Variants in GLI2 observed in about 807,000 individuals in gnomAD.
GLI2 encodes the protein transcription activator GLI2.
GLI2 carries 22 observed loss-of-function variants against 78.9 expected under a neutral mutation model. That is an observed-to-expected ratio of 0.28 (90% CI 0.20 to 0.40). The LOEUF is 0.40. GLI2 is among the 10% of genes least tolerant of loss of function. The pLI is 1.00. For missense variants in GLI2, 2,097 were observed against 2,213.2 expected (o/e 0.95, Z 1.05); for synonymous variants, 974 against 963.7 (o/e 1.01, Z -0.20).
At chr2:120,935,020 TTTC>T (rs1296580226) in intron 3 of GLI2, among the ~76,000 whole-genome samples, 1 of 152,212 alleles carries the variant, frequency 6.6e-6, no homozygotes, top group Admixed American at 6.5e-5. Flanking sequence ...AGAAAGATAT[TTTC>T]TTCTTGATTC....
Position 120,843,946 on chromosome 2 carries a change from C to T in GLI2, c.148+46478C>T, listed in dbSNP as rs141802358. ...CCTCCCAAAGTGCTGGGATTACAGG[C>T]GTGAGACACCGTGCCTGTCCAGGAG... On this transcript the variant is annotated intron_variant, in intron 2 of 13. Transcript: ENST00000361492. 5.6e-3 allele frequency among the ~76,000 whole-genome samples: 860 copies of T among 152,244 alleles called. 6 individuals are homozygous for T. The highest frequency in any genetic ancestry group is 0.02 in the African/African-American group (815 of 41,544).
chr2:120,844,470 T>C (rs1461139761), intron 2 of GLI2, among the ~76,000 whole-genome samples: 3 of 152,212 alleles, frequency 2.0e-5, no homozygotes. Context: ...TCTCCGTCCC[T>C]TCCTGTCACT....
chr2:120,787,036 G>A (rs779233281), intron 1 of GLI2, among the ~76,000 whole-genome samples: 5 of 152,178 alleles, frequency 3.3e-5, no homozygotes, highest in Non-Finnish European at 5.9e-5. Context: ...AAAGGGACAC[G>A]GACACGTAAA....
chr2:120,897,218 T>C (rs917055162), intron 2 of GLI2, among the ~76,000 whole-genome samples: 1 of 152,228 alleles, frequency 6.6e-6, no homozygotes, highest in Non-Finnish European at 1.5e-5. Flanking sequence ...AAACTCCCCG[T>C]GTTGACTTCC....
At chr2:120,760,330 A>C (rs1027390816) in intron 1 of GLI2, among the ~76,000 whole-genome samples, 1 of 152,146 alleles carries the variant, frequency 6.6e-6, no homozygotes, top group African/African-American at 2.4e-5. Context: ...GGGGGGTCCA[A>C]GGAGGTCTGG....
intron 1 of GLI2, among the ~76,000 whole-genome samples, chr2:120,777,103 A>T (rs1177163638): frequency 1.3e-5 from 2 of 152,026 alleles, no homozygotes; most frequent in Non-Finnish European, 2.9e-5. Flanking sequence ...TGATTGCGTG[A>T]GTGTGTGTAT....
chr2:120,834,804 G>A lies in GLI2; in HGVS notation c.148+37336G>A, dbSNP rs1025834451. The stretch of plus-strand genomic sequence containing the variant: ...CCAAGTCATCACTAACTTTCTGTGG[G>A]GGGTTATGCACAAGGCATGATCCTG... On this transcript the variant is annotated intron_variant, in intron 2 of 13. Transcript: ENST00000361492. Among the ~76,000 whole-genome samples the A allele has an allele frequency of 1.3e-4, 20 of 152,068 alleles. 1 individual carries two copies. The highest frequency in any genetic ancestry group is 1.5e-5 in the Non-Finnish European group (1 of 68,028).
chr2:120,791,220 C>T (rs1477824199), intron 1 of GLI2, among the ~76,000 whole-genome samples: 1 of 152,188 alleles, frequency 6.6e-6, no homozygotes, highest in Non-Finnish European at 1.5e-5. Flanking sequence ...TTCCCCACGT[C>T]CCTATCTCCT....
chr2:120,830,895 C>T (rs1180246424), intron 2 of GLI2, among the ~76,000 whole-genome samples: 1 of 151,944 alleles, frequency 6.6e-6, no homozygotes, highest in African/African-American at 2.4e-5. Flanking sequence ...GTTTCTCTCA[C>T]TTGGTCCCTG....
intron 2 of GLI2, among the ~76,000 whole-genome samples, chr2:120,849,954 G>T (rs1318444149): frequency 4.6e-5 from 7 of 152,100 alleles, no homozygotes; most frequent in Non-Finnish European, 1.0e-4. Flanking sequence ...TATGATAGTT[G>T]AAATAAAAAG....
rs1683189066 is a variant in GLI2 at position 120,989,646 on chromosome 2, T to A, written c.3681T>A (p.His1227Gln). ...CPGMTTTMSP[H>Q]ACYGQVHPQL... Reference sequence around the variant, plus strand: ...GCATGACTACCACTATGAGCCCCCATGCCTGCTATGGCCAAGTCCACCCCC... The same window carrying A: ...GCATGACTACCACTATGAGCCCCCAAGCCTGCTATGGCCAAGTCCACCCCC... The change falls in exon 14 of 14, where the codon CAT (histidine) becomes CAA (glutamine). Residue 1227 changes from histidine (H) to glutamine (Q), a missense_variant. Physicochemically the swap from His to Gln is conservative, Grantham distance 24. This residue lies in a region of GLI2 where 1,290 missense variants were observed against 1,261.7 expected (regional missense o/e 1.02). Transcript: ENST00000361492. 1.2e-6 allele frequency: 2 copies of A among 1,613,252 alleles called. No homozygotes were observed. The highest frequency in any genetic ancestry group is 1.7e-5 in the Admixed American group (1 of 59,994).
At chr2:120,871,025 G>A (rs1156746787) in intron 2 of GLI2, among the ~76,000 whole-genome samples, 1 of 152,224 alleles carries the variant, frequency 6.6e-6, no homozygotes, top group Non-Finnish European at 1.5e-5. Flanking sequence ...CAAATCCTGG[G>A]ACTTGAATAA....
chr2:120,798,954 C>G (rs537990180), intron 2 of GLI2, among the ~76,000 whole-genome samples: 2 of 152,324 alleles, frequency 1.3e-5, no homozygotes, highest in African/African-American at 4.8e-5. Context: ...TCAGCGGGAA[C>G]CATCCCCCCA....
chr2:120,760,363 T>C (rs1301003983), intron 1 of GLI2, among the ~76,000 whole-genome samples: 3 of 152,200 alleles, frequency 2.0e-5, no homozygotes, highest in African/African-American at 4.8e-5. Flanking sequence ...GCCATCGCTG[T>C]GCTTTTGAGG....
intron 2 of GLI2, among the ~76,000 whole-genome samples, chr2:120,890,763 T>A (rs1677642087): frequency 6.6e-6 from 1 of 152,224 alleles, no homozygotes; most frequent in African/African-American, 2.4e-5. Context: ...AAGCAAGCCG[T>A]GCTGTTTCCC....
At position 120,800,123 on chromosome 2, in the gene GLI2, G is replaced by A. The variant is rs1012787104; in HGVS notation, c.148+2655G>A. On this transcript the variant is annotated intron_variant, in intron 2 of 13. Transcript: ENST00000361492. This position sits in a 1 kb window ranked among gnomAD's most constrained non-coding sequence, Gnocchi z 4.1. ...CACTCAGCCATCAGGCACAGGGCTG[G>A]GTGTGGACAGTGGGTGAGGAGGGGC... is the stretch of plus-strand genomic sequence containing the variant. Among the ~76,000 whole-genome samples the A allele has an allele frequency of 6.6e-6, 1 of 152,192 alleles. No individual in the cohort carries two copies. Among genetic ancestry groups the A allele is most frequent in the African/African-American group, 2.4e-5 (1 of 41,434 alleles).
chr2:120,869,170 C>T (rs952675752), intron 2 of GLI2, among the ~76,000 whole-genome samples: 1 of 152,114 alleles, frequency 6.6e-6, no homozygotes, highest in African/African-American at 2.4e-5. Flanking sequence ...TGGCCTGGCC[C>T]CAGTGGGGAC....
chr2:120,981,336 G>T (rs1201559429), intron 10 of GLI2, among the ~76,000 whole-genome samples: 1 of 152,170 alleles, frequency 6.6e-6, no homozygotes, highest in African/African-American at 2.4e-5. Flanking sequence ...TTAAGTGTCT[G>T]GGTTTCTTTC....
intron 2 of GLI2, among the ~76,000 whole-genome samples, chr2:120,839,910 G>C (rs1362168371): frequency 6.6e-6 from 1 of 152,084 alleles, no homozygotes; most frequent in Non-Finnish European, 1.5e-5. Flanking sequence ...TTCAGGAGTT[G>C]GTTGATTCTC....
Sources: gnomAD v4.1 joint callset for allele counts (sites outside exome capture counted in the v4.1 genomes callset) on GRCh38, gnomAD v4.1.1 for gene constraint, gnomAD v4.1.1 regional missense constraint, Gnocchi (gnomAD v3.1) non-coding constraint, MANE v1.5 for transcripts, NCBI Gene and HGNC (gene_info 2026-07-23, HGNC 2026-07-21) for gene names.